CACNA2D1: variants seen among roughly 807,000 people sequenced by gnomAD.
CACNA2D1 encodes voltage-dependent calcium channel subunit alpha-2/delta-1.
CACNA2D1 carries 53 observed loss-of-function variants against 171.5 expected under a neutral mutation model. The ratio of observed to expected loss-of-function variants is 0.31; its 90% confidence interval spans 0.25 to 0.39. The LOEUF (loss-of-function observed/expected upper bound fraction) is 0.39. Ranked by LOEUF, CACNA2D1 falls within the 10% of genes least tolerant of loss-of-function variation. The probability of loss-of-function intolerance (pLI) is 1.00; values close to 1 mark genes in which losing one functional copy is unlikely to be tolerated. For missense variants in CACNA2D1, 903 were observed against 1,299.8 expected (o/e 0.69, Z 4.69); for synonymous variants, 442 against 443.1 (o/e 1.00, Z 0.03).
intron 3 of CACNA2D1, among the ~76,000 whole-genome samples, chr7:82,192,987 A>T (rs769665816): frequency 1.3e-5 from 2 of 151,802 alleles, no homozygotes; most frequent in Non-Finnish European, 2.9e-5. Flanking sequence ...TCTTGAAAGC[A>T]TCAGTTAAAC....
chr7:82,409,687 A>G (rs1416671034), intron 1 of CACNA2D1, among the ~76,000 whole-genome samples: 3 of 152,212 alleles, frequency 2.0e-5, no homozygotes, highest in Admixed American at 1.3e-4. Flanking sequence ...CCAATGTACA[A>G]TGTGATTGCT....
intron 3 of CACNA2D1, among the ~76,000 whole-genome samples, chr7:82,268,849 AG>A (rs1457591605): frequency 6.6e-6 from 1 of 152,228 alleles, no homozygotes; most frequent in East Asian, 1.9e-4. Flanking sequence ...AAGGAAGCAA[AG>A]GGTGGCTGGG....
At chr7:82,291,164 ATATAGAATTATAATTCTATATCG>A (rs1811495794) in intron 3 of CACNA2D1, among the ~76,000 whole-genome samples, 1 of 121,412 alleles carries the variant, frequency 8.2e-6, no homozygotes, top group African/African-American at 4.1e-5. Flanking sequence ...TTCTATATCG[ATATAGAATTATAATTCTATATCG>A]ATATAGAATT....
intron 1 of CACNA2D1, among the ~76,000 whole-genome samples, chr7:82,385,675 G>GT (rs1055423070): frequency 1.4e-5 from 2 of 146,070 alleles, no homozygotes; most frequent in African/African-American, 5.0e-5. Context: ...GTTTTGTTTT[G>GT]TTTTTTTGAG....
At chr7:82,391,633 T>C (rs2129450669) in intron 1 of CACNA2D1, among the ~76,000 whole-genome samples, 1 of 152,300 alleles carries the variant, frequency 6.6e-6, no homozygotes, top group South Asian at 2.1e-4. Context: ...TTGCACAGAT[T>C]CAAAGGAAGC....
At chr7:82,424,928 G>A (rs763480391) in intron 1 of CACNA2D1, among the ~76,000 whole-genome samples, 3 of 152,170 alleles carry the variant, frequency 2.0e-5, no homozygotes, top group African/African-American at 4.8e-5. Context: ...GTGTATTTGT[G>A]ATTGCTGTCT....
intron 1 of CACNA2D1, among the ~76,000 whole-genome samples, chr7:82,400,193 T>C (rs986622876): frequency 7.3e-5 from 11 of 151,292 alleles, no homozygotes; most frequent in Admixed American, 4.0e-4. Flanking sequence ...GGGCTCTTTT[T>C]TGGTTCCATA....
At chr7:82,119,849 T>A (rs979543920) in intron 5 of CACNA2D1, among the ~76,000 whole-genome samples, 2 of 152,150 alleles carry the variant, frequency 1.3e-5, no homozygotes, top group Non-Finnish European at 2.9e-5. Context: ...TATGGAAGTA[T>A]CACAATTTGT....
intron 11 of CACNA2D1, among the ~76,000 whole-genome samples, chr7:82,034,706 C>A (rs1803088566): frequency 1.3e-5 from 2 of 151,850 alleles, no homozygotes; most frequent in African/African-American, 4.8e-5. Flanking sequence ...AAGAACTATC[C>A]TGTAAAAATG....
At chr7:82,100,459 T>C (rs768882719) in intron 6 of CACNA2D1, among the ~76,000 whole-genome samples, 1 of 152,182 alleles carries the variant, frequency 6.6e-6, no homozygotes, top group African/African-American at 2.4e-5. Context: ...TTCATTAAGA[T>C]GAAAACTTTC....
At chr7:82,372,939 C>T (rs1247989892) in intron 1 of CACNA2D1, among the ~76,000 whole-genome samples, 1 of 152,162 alleles carries the variant, frequency 6.6e-6, no homozygotes, top group Non-Finnish European at 1.5e-5. Flanking sequence ...AATCCCAGCA[C>T]TTTGGGAAGC....
chr7:82,239,452 T>G (rs2129292108), intron 3 of CACNA2D1, among the ~76,000 whole-genome samples: 1 of 152,288 alleles, frequency 6.6e-6, no homozygotes, highest in African/African-American at 2.4e-5. Context: ...ATAGTAATGC[T>G]TCCACATTTC....
In CACNA2D1 at chr7:82,124,479, G is replaced by A. The variant is rs965304174; in HGVS notation, c.397-7306C>T. Among the ~76,000 whole-genome samples the A allele has an allele frequency of 4.8e-4, 73 of 152,068 alleles. 1 individual carries two copies. The highest frequency in any genetic ancestry group is 1.7e-3 in the African/African-American group (72 of 41,408). On this transcript the variant is annotated intron_variant, in intron 5 of 38. Coordinates refer to ENST00000356860, the MANE Select transcript of CACNA2D1 (RefSeq NM_000722.4). ...GTCCCCTTCAGCAGCCAATCAGACT[G>A]ACTGCAGGCCAAATCTTCTTCTGTA... is the stretch of plus-strand genomic sequence containing the variant.
chr7:82,149,022 G>A (rs1793478271), intron 4 of CACNA2D1, among the ~76,000 whole-genome samples: 1 of 152,098 alleles, frequency 6.6e-6, no homozygotes, highest in Admixed American at 6.6e-5. Context: ...CACATCACTG[G>A]TTTGTTGTAT....
At chr7:81,984,996 C>G (rs1341749600) in intron 21 of CACNA2D1, among the ~76,000 whole-genome samples, 1 of 151,908 alleles carries the variant, frequency 6.6e-6, no homozygotes, top group Non-Finnish European at 1.5e-5. Context: ...GTCATGGCCC[C>G]CTACTATGTT....
intron 38 of CACNA2D1, among the ~76,000 whole-genome samples, chr7:81,956,366 A>T (rs1159208063): frequency 1.3e-5 from 2 of 152,082 alleles, no homozygotes; most frequent in South Asian, 2.1e-4. Flanking sequence ...ATAACCTATA[A>T]ATCTTATCTA....
intron 1 of CACNA2D1, among the ~76,000 whole-genome samples, chr7:82,358,243 T>C (rs898127260): frequency 6.6e-6 from 1 of 152,162 alleles, no homozygotes; most frequent in Non-Finnish European, 1.5e-5. Flanking sequence ...GTTCCTGTAG[T>C]TGGGTAAAAA....
intron 5 of CACNA2D1, among the ~76,000 whole-genome samples, chr7:82,126,663 T>C (rs1362698887): frequency 6.6e-6 from 1 of 152,190 alleles, no homozygotes. Context: ...CTGAATTCCT[T>C]TCTCAGGAAA....
intron 6 of CACNA2D1, among the ~76,000 whole-genome samples, chr7:82,109,771 C>G (rs1247676898): frequency 6.6e-6 from 1 of 152,108 alleles, no homozygotes; most frequent in East Asian, 1.9e-4. Flanking sequence ...AGAAGCATTT[C>G]CTATTAGATA....
Sources: gnomAD v4.1 joint callset for allele counts (sites outside exome capture counted in the v4.1 genomes callset) on GRCh38, gnomAD v4.1.1 for gene constraint, MANE v1.5 for transcripts, NCBI Gene and HGNC (gene_info 2026-07-23, HGNC 2026-07-21) for gene names.